The following RPTOR variants were observed in gnomAD, a reference collection of about 807,000 sequenced individuals.
RPTOR encodes regulatory associated protein of MTOR complex 1, also known as regulatory-associated protein of mTOR.
RPTOR carries 21 observed loss-of-function variants against 169.9 expected under a neutral mutation model. The ratio of observed to expected loss-of-function variants is 0.12; its 90% CI spans 0.09 to 0.18. The LOEUF is 0.18. Among genes scored for constraint, RPTOR ranks in the 10% least tolerant of loss-of-function variants. The probability of loss-of-function intolerance (pLI) is 1.00; values close to 1 mark genes in which losing one functional copy is unlikely to be tolerated. For synonymous variants in RPTOR, 732 were observed against 753.2 expected (o/e 0.97, Z 0.46); for missense variants, 1,133 against 1,855.9 (o/e 0.61, Z 7.16).
intron 3 of RPTOR, among the ~76,000 whole-genome samples, chr17:80,678,204 A>C (rs1273537563): frequency 6.6e-6 from 1 of 152,236 alleles, no homozygotes; most frequent in Non-Finnish European, 1.5e-5. Flanking sequence ...TATAGGTACA[A>C]GTTTGCAGCA....
chr17:80,654,344 C>T (rs189469283), intron 3 of RPTOR, among the ~76,000 whole-genome samples: 20 of 149,350 alleles, frequency 1.3e-4, no homozygotes, highest in East Asian at 5.8e-4. Flanking sequence ...GAGGGCTGCA[C>T]GGGCTGTGGT....
Position 80,965,166 on chromosome 17 carries a change from G to A in RPTOR, c.*836G>A, listed in dbSNP as rs566208205. On this transcript the variant is annotated 3_prime_UTR_variant, in exon 34 of 34. Transcript: ENST00000306801. ...CGAAGGGCTGCTCTTCCCCACAGGC[G>A]CGGGGACAGCAGCCCGACCTGTGGT... 138 of 233,328 alleles carry A rather than the reference G, an allele frequency of 5.9e-4. No individual in the cohort carries two copies. The highest frequency in any genetic ancestry group is 2.4e-3 in the African/African-American group (108 of 45,468). The allele number at this position is 233,328 out of a possible 1,614,324, so 14.5% of individuals were successfully genotyped here. A position where few individuals can be genotyped will look rare whatever the true frequency, so the allele number is the denominator to read the frequency against.
chr17:80,864,276 C>T (rs866244980), intron 13 of RPTOR, among the ~76,000 whole-genome samples: 19 of 119,526 alleles, frequency 1.6e-4, no homozygotes, highest in Middle Eastern at 4.2e-3. Context: ...GTGAGAATGA[C>T]GGCAGGTTTC....
intron 3 of RPTOR, among the ~76,000 whole-genome samples, chr17:80,688,681 GC>G (rs1464798797): frequency 1.3e-5 from 2 of 152,234 alleles, no homozygotes; most frequent in Non-Finnish European, 2.9e-5. Flanking sequence ...TGCTATGCGG[GC>G]TGGGAAGAAG....
At chr17:80,793,866 C>T (rs2067074577) in intron 7 of RPTOR, among the ~76,000 whole-genome samples, 1 of 152,244 alleles carries the variant, frequency 6.6e-6, no homozygotes. Context: ...ATTTAGTTCA[C>T]TTCAGCTCCT....
chr17:80,835,671 T>G (rs1217513614), intron 9 of RPTOR, among the ~76,000 whole-genome samples: 1 of 152,222 alleles, frequency 6.6e-6, no homozygotes, highest in Non-Finnish European at 1.5e-5. Flanking sequence ...CACAAAATTG[T>G]GTAAAATTCG....
intron 13 of RPTOR, among the ~76,000 whole-genome samples, chr17:80,879,575 A>C (rs763676351): frequency 2.0e-5 from 3 of 152,058 alleles, no homozygotes; most frequent in Non-Finnish European, 2.9e-5. Context: ...TCCAAAAAGT[A>C]CAAGACCCTC....
At chr17:80,897,266 G>A (rs999000735) in intron 20 of RPTOR, among the ~76,000 whole-genome samples, 1 of 151,924 alleles carries the variant, frequency 6.6e-6, no homozygotes, top group Non-Finnish European at 1.5e-5. Flanking sequence ...AAAAAAGAAT[G>A]GCAGTGGACA....
At chr17:80,569,770 C>A (rs1166501395) in intron 1 of RPTOR, among the ~76,000 whole-genome samples, 1 of 152,114 alleles carries the variant, frequency 6.6e-6, no homozygotes, top group East Asian at 1.9e-4. Context: ...AATTTGGTGA[C>A]CCCTAGTCTA....
At chr17:80,588,277 C>T (rs2143398630) in intron 1 of RPTOR, among the ~76,000 whole-genome samples, 1 of 152,136 alleles carries the variant, frequency 6.6e-6, no homozygotes, top group South Asian at 2.1e-4. Flanking sequence ...ATTCTCCTGC[C>T]TCAGTCTCCT....
At chr17:80,692,347 A>T (rs1358793795) in intron 3 of RPTOR, among the ~76,000 whole-genome samples, 2 of 151,534 alleles carry the variant, frequency 1.3e-5, no homozygotes, top group South Asian at 2.1e-4. Flanking sequence ...TTTGAGATGG[A>T]GTCTTACTCT....
intron 7 of RPTOR, among the ~76,000 whole-genome samples, chr17:80,811,917 G>A (rs544687576): frequency 6.6e-6 from 1 of 150,920 alleles, no homozygotes; most frequent in South Asian, 2.1e-4. Context: ...TGTACCCACA[G>A]GACACAGCCA....
chr17:80,559,545 G>A (rs1474032620), intron 1 of RPTOR, among the ~76,000 whole-genome samples: 3 of 152,216 alleles, frequency 2.0e-5, no homozygotes, highest in Non-Finnish European at 4.4e-5. Context: ...GCTGGGCTGT[G>A]TGCTTTGCCC....
chr17:80,926,071 C>T (rs2068808356), intron 24 of RPTOR, among the ~76,000 whole-genome samples: 1 of 152,236 alleles, frequency 6.6e-6, no homozygotes, highest in African/African-American at 2.4e-5. Context: ...TGGAGATTTT[C>T]TATAAATCTA....
intron 1 of RPTOR, among the ~76,000 whole-genome samples, chr17:80,572,674 G>A (rs543970355): frequency 4.6e-5 from 7 of 152,174 alleles, no homozygotes; most frequent in Non-Finnish European, 8.8e-5. Context: ...GCAGTGAGTC[G>A]AGATCGCACC....
At chr17:80,717,519 G>A (rs2066249416) in intron 4 of RPTOR, among the ~76,000 whole-genome samples, 3 of 152,040 alleles carry the variant, frequency 2.0e-5, no homozygotes, top group South Asian at 2.1e-4. Flanking sequence ...TGCACATCAC[G>A]TGGCATGCCA....
chr17:80,831,163 G>A (rs1567936488), intron 9 of RPTOR, among the ~76,000 whole-genome samples: 1 of 152,190 alleles, frequency 6.6e-6, no homozygotes, highest in Non-Finnish European at 1.5e-5. Flanking sequence ...TAGGAGGGAG[G>A]AGAGGCAAGC....
intron 26 of RPTOR, among the ~76,000 whole-genome samples, chr17:80,946,422 A>T (rs2069104556): frequency 6.6e-6 from 1 of 152,166 alleles, no homozygotes; most frequent in Non-Finnish European, 1.5e-5. Flanking sequence ...CATCACCCCC[A>T]TTGGTCTCCA....
intron 6 of RPTOR, among the ~76,000 whole-genome samples, chr17:80,790,130 A>T (rs916782777): frequency 6.6e-6 from 1 of 152,218 alleles, no homozygotes; most frequent in African/African-American, 2.4e-5. Context: ...AAGTGAAGCC[A>T]GCAGAGGAGA....
Sources: gnomAD v4.1 joint callset for allele counts (sites outside exome capture counted in the v4.1 genomes callset) on GRCh38, gnomAD v4.1.1 for gene constraint, MANE v1.5 for transcripts, NCBI Gene and HGNC (gene_info 2026-07-23, HGNC 2026-07-21) for gene names.